The following NINJ2 variants were observed in gnomAD, a reference collection of about 807,000 sequenced individuals.
NINJ2 encodes ninjurin 2, also known as ninjurin-2.
In NINJ2, 12 loss-of-function variants were observed where a neutral mutation model predicts 11.7. The observed-to-expected ratio is 1.02, with a 90% confidence interval of 0.66 to 1.66. The LOEUF (loss-of-function observed/expected upper bound fraction) is 1.66, where lower values mean the gene tolerates loss of function less well. Among genes scored for constraint, NINJ2 ranks in the 40% most tolerant of loss-of-function variants. The pLI, the probability that NINJ2 is intolerant of heterozygous loss-of-function variation, is 0.00. For missense variants in NINJ2, 187 were observed against 181.8 expected (o/e 1.03, Z -0.16); for synonymous variants, 93 against 76.8 (o/e 1.21, Z -1.10).
At chr12:603,263 GATT>G (rs1356645076) in intron 1 of NINJ2, among the ~76,000 whole-genome samples, 1 of 151,002 alleles carries the variant, frequency 6.6e-6, no homozygotes, top group East Asian at 1.9e-4. Flanking sequence ...CCTAAAATTT[GATT>G]ATTTGTCTTT....
chr12:617,987 G>A (rs1381029422), intron 1 of NINJ2, among the ~76,000 whole-genome samples: 2 of 151,838 alleles, frequency 1.3e-5, no homozygotes, highest in East Asian at 1.9e-4. Flanking sequence ...AGTGAATAAC[G>A]TACTCTGGTG....
chr12:653,762 T>G (rs946016111), intron 1 of NINJ2, among the ~76,000 whole-genome samples: 2 of 151,828 alleles, frequency 1.3e-5, no homozygotes, highest in Non-Finnish European at 2.9e-5. Flanking sequence ...CAGTAACAAA[T>G]GTGGTAGATC....
At chr12:579,013 A>T (rs558306344) in intron 1 of NINJ2, among the ~76,000 whole-genome samples, 1 of 152,352 alleles carries the variant, frequency 6.6e-6, no homozygotes, top group South Asian at 2.1e-4. Flanking sequence ...AAACCTAAAC[A>T]CGGGTAAGTG....
chr12:598,411 G>A (rs1947818993), intron 1 of NINJ2, among the ~76,000 whole-genome samples: 1 of 152,204 alleles, frequency 6.6e-6, no homozygotes, highest in South Asian at 2.1e-4. Context: ...GAGGACTGGA[G>A]AGGGCTGCCC....
chr12:631,535 T>C (rs901823013), intron 1 of NINJ2, among the ~76,000 whole-genome samples: 1 of 152,140 alleles, frequency 6.6e-6, no homozygotes, highest in African/African-American at 2.4e-5. Context: ...AGCTAATTTT[T>C]ATATTTTTAG....
chr12:582,331 A>G (rs71435015), intron 1 of NINJ2, among the ~76,000 whole-genome samples: 1,926 of 70,340 alleles, frequency 0.027, 107 homozygotes, highest in Middle Eastern at 0.08. Context: ...GAATGAATGG[A>G]CGCAGGCAGG....
At chr12:587,344 G>A (rs1947653038) in intron 1 of NINJ2, among the ~76,000 whole-genome samples, 1 of 152,252 alleles carries the variant, frequency 6.6e-6, no homozygotes, top group Non-Finnish European at 1.5e-5. Flanking sequence ...CAGCCCCCAT[G>A]GCGGGAGCAA....
chr12:569,333 A>G (rs577155749), intron 1 of NINJ2, among the ~76,000 whole-genome samples: 144 of 152,310 alleles, frequency 9.5e-4, no homozygotes, highest in Non-Finnish European at 1.6e-3. Flanking sequence ...CATTTGGTGA[A>G]GGTTTGTCCT....
intron 1 of NINJ2, among the ~76,000 whole-genome samples, chr12:595,002 C>T (rs902858055): frequency 3.9e-5 from 6 of 152,272 alleles, no homozygotes; most frequent in Non-Finnish European, 5.9e-5. Flanking sequence ...ATCAATGGAA[C>T]AGAATATAGA....
intron 1 of NINJ2, among the ~76,000 whole-genome samples, chr12:660,168 G>A (rs185777209): frequency 6.6e-6 from 1 of 151,566 alleles, no homozygotes; most frequent in East Asian, 2.0e-4. Context: ...CACATGTGTG[G>A]TCCCAGCTAT....
intron 1 of NINJ2, chr12:590,667 C>T (rs1349669941): frequency 6.6e-6 from 1 of 152,228 alleles, no homozygotes; most frequent in African/African-American, 2.4e-5. Flanking sequence ...GTGGCTGATG[C>T]TTACAGCTGA....
chr12:647,162 A>G (rs1008612973), intron 1 of NINJ2, among the ~76,000 whole-genome samples: 1 of 151,976 alleles, frequency 6.6e-6, no homozygotes, highest in Non-Finnish European at 1.5e-5. Flanking sequence ...CCCATCCCTC[A>G]GGTGTCTGTG....
At chr12:656,117 C>T (rs1937869014) in intron 1 of NINJ2, among the ~76,000 whole-genome samples, 1 of 151,922 alleles carries the variant, frequency 6.6e-6, no homozygotes, top group South Asian at 2.1e-4. Flanking sequence ...GTAATCCCAG[C>T]ACTTCGGGAG....
At chr12:643,311 G>GGCCTCGCAGCCTCGCA (rs200585004) in intron 1 of NINJ2, 1 of 443,120 alleles carries the variant, frequency 2.3e-6, no homozygotes, top group East Asian at 1.6e-4. Flanking sequence ...GCACCGTCGC[G>GGCCTCGCAGCCTCGCA]GCCTCGCAGC....
intron 1 of NINJ2, among the ~76,000 whole-genome samples, chr12:608,281 A>G (rs968312801): frequency 4.6e-5 from 7 of 152,276 alleles, no homozygotes; most frequent in African/African-American, 7.2e-5. Flanking sequence ...CCATCATCCA[A>G]CGGCCGTCCT....
chr12:638,479 A>G (rs10774392), intron 1 of NINJ2, among the ~76,000 whole-genome samples: 47,228 of 152,112 alleles, frequency 0.31, 7,416 homozygotes, highest in Non-Finnish European at 0.34. Flanking sequence ...GCAGTGGCGC[A>G]ATCTCGGCTC....
Position 564,519 on chromosome 12 carries a change from G to GGACT in NINJ2, c.*180_*181insAGTC, listed in dbSNP as rs1947263154. ...CTCAGGACTTCAGACCAAGATGGAA[G>GGACT]TCCCTTAGACCAATAACATAAAAAT... On this transcript the variant is annotated 3_prime_UTR_variant, in exon 4 of 4. Transcript: ENST00000305108. The GGACT allele has an allele frequency of 6.6e-6, 1 of 152,238 alleles. No homozygotes were observed. The highest frequency in any genetic ancestry group is 1.5e-5 in the Non-Finnish European group (1 of 68,048). The allele number at this position is 152,238 out of a possible 1,614,324, so 9.4% of individuals were successfully genotyped here.
chr12:581,033 G>T lies in NINJ2; in HGVS notation c.34-14855C>A, dbSNP rs1947544321. 6.6e-6 allele frequency among the ~76,000 whole-genome samples: 1 copy of T among 151,044 alleles called. No individual in the cohort carries two copies. The highest frequency in any genetic ancestry group is 6.6e-5 in the Admixed American group (1 of 15,140). On this transcript the variant is annotated intron_variant, in intron 1 of 3. Transcript: ENST00000305108. This position sits in a 1 kb window ranked among gnomAD's most constrained non-coding sequence, Gnocchi z 4.9. ...ATGTGTGTGTTCATGTCTTGTGTAT[G>T]TGTCTGTGTGTGTCTGTGTCTGTGT...
chr12:630,333 T>C (rs1387123100), intron 1 of NINJ2, among the ~76,000 whole-genome samples: 2 of 152,084 alleles, frequency 1.3e-5, no homozygotes, highest in Non-Finnish European at 2.9e-5. Context: ...AAGCTGCTTC[T>C]ATTTTTTTTT....
Sources: allele counts gnomAD v4.1 joint callset (sites outside exome capture counted in the v4.1 genomes callset), GRCh38; gene constraint gnomAD v4.1.1; non-coding constraint Gnocchi (gnomAD v3.1); transcripts MANE v1.5; gene names NCBI Gene and HGNC (gene_info 2026-07-23, HGNC 2026-07-21).